Variants in MYO18B observed in about 807,000 individuals in gnomAD.
The protein encoded by MYO18B is unconventional myosin-XVIIIb.
In MYO18B, 204 loss-of-function variants were observed where a neutral mutation model predicts 273.0. That is an observed-to-expected ratio of 0.75 (90% CI 0.67 to 0.84). The LOEUF (loss-of-function observed/expected upper bound fraction) is 0.84. Ranked by LOEUF, MYO18B falls within the 40% of genes least tolerant of loss-of-function variation. MYO18B has a pLI of 0.00. For missense variants in MYO18B, 3,212 were observed against 3,287.6 expected, an observed-to-expected ratio of 0.98 and a Z score of 0.56; for synonymous variants, 1,330 against 1,305.7, an observed-to-expected ratio of 1.02 and a Z score of -0.40.
chr22:25,753,538 T>A (rs562440081), intron 1 of MYO18B, among the ~76,000 whole-genome samples: 1 of 152,192 alleles, frequency 6.6e-6, no homozygotes, highest in African/African-American at 2.4e-5. Flanking sequence ...TCCTTCCGCG[T>A]TGTGGGGTGG....
chr22:26,019,330 G>A (rs1166155772), intron 42 of MYO18B, among the ~76,000 whole-genome samples: 1 of 152,142 alleles, frequency 6.6e-6, no homozygotes, highest in Non-Finnish European at 1.5e-5. Flanking sequence ...AGGACTCCTT[G>A]GTTTAAATCC....
At chr22:25,771,524 A>G (rs953692883) in intron 6 of MYO18B, among the ~76,000 whole-genome samples, 4 of 152,160 alleles carry the variant, frequency 2.6e-5, no homozygotes, top group Non-Finnish European at 4.4e-5. Context: ...CAGTGTAGTG[A>G]TAGAAAAGAA....
At chr22:26,050,361 G>C in the MYO18B span, among the ~76,000 whole-genome samples, 1 of 152,208 alleles carries the variant, frequency 6.6e-6, no homozygotes, top group Non-Finnish European at 1.5e-5. Flanking sequence ...TGGGAATTTC[G>C]ATATACAGAC....
intron 39 of MYO18B, among the ~76,000 whole-genome samples, chr22:25,967,843 C>G (rs1345756560): frequency 6.6e-6 from 1 of 152,178 alleles, no homozygotes; most frequent in African/African-American, 2.4e-5. Context: ...ATCTGTTTGC[C>G]AGAGCTGACT....
At chr22:25,759,631 C>T (rs368257178) in intron 1 of MYO18B, among the ~76,000 whole-genome samples, 31 of 152,234 alleles carry the variant, frequency 2.0e-4, no homozygotes, top group East Asian at 1.5e-3. Context: ...AACAAACCTG[C>T]ATGTTCTACA....
At chr22:25,871,577 CT>C (rs1165270455) in intron 22 of MYO18B, among the ~76,000 whole-genome samples, 6 of 152,048 alleles carry the variant, frequency 3.9e-5, no homozygotes, top group Admixed American at 6.5e-5. Flanking sequence ...CCGTGGATTC[CT>C]TAAAAGTGGG....
intron 12 of MYO18B, among the ~76,000 whole-genome samples, chr22:25,803,341 T>C (rs1031528942): frequency 1.3e-5 from 2 of 152,212 alleles, no homozygotes; most frequent in Non-Finnish European, 2.9e-5. Flanking sequence ...TTAGTCCTTT[T>C]TATTATGGCT....
At chr22:25,844,954 GA>G (rs948119227) in intron 18 of MYO18B, among the ~76,000 whole-genome samples, 8 of 152,202 alleles carry the variant, frequency 5.3e-5, no homozygotes, top group African/African-American at 1.9e-4. Context: ...CCATAAATAA[GA>G]GCAGGACGAT....
intron 20 of MYO18B, among the ~76,000 whole-genome samples, chr22:25,851,122 G>C (rs2090415131): frequency 6.6e-6 from 1 of 152,140 alleles, no homozygotes; most frequent in Non-Finnish European, 1.5e-5. Context: ...GAAACTCAAG[G>C]CTTATCAGGC....
At chr22:25,745,036 C>T (rs985930953) in intron 1 of MYO18B, among the ~76,000 whole-genome samples, 2 of 152,164 alleles carry the variant, frequency 1.3e-5, no homozygotes, top group East Asian at 3.8e-4. Context: ...ATATTATCCC[C>T]CCGCACCAAG....
At chr22:25,997,304 CCAAAAAAA>C (rs1452246776) in intron 40 of MYO18B, among the ~76,000 whole-genome samples, 4 of 22,564 alleles carry the variant, frequency 1.8e-4, no homozygotes, top group South Asian at 2.4e-3. Context: ...AACTCTGTCG[CCAAAAAAA>C]AAAAAAAAAA....
At chr22:25,772,313 C>T in intron 6 of MYO18B, 21 bp from the exon 7 acceptor site, 1 of 1,607,498 alleles carries the variant, frequency 6.2e-7, no homozygotes, top group Non-Finnish European at 8.5e-7. Flanking sequence ...CCAGAGGAGA[C>T]TCTGTGTGAT....
chr22:25,918,797 A>T (rs535171028), intron 33 of MYO18B, among the ~76,000 whole-genome samples: 1 of 152,350 alleles, frequency 6.6e-6, no homozygotes, highest in South Asian at 2.1e-4. Context: ...GAAATGTGCA[A>T]AGCCCACTGC....
chr22:25,995,368 A>T (rs1239184583), intron 40 of MYO18B, among the ~76,000 whole-genome samples: 2 of 152,222 alleles, frequency 1.3e-5, no homozygotes, highest in Non-Finnish European at 2.9e-5. Context: ...TGATAATTTC[A>T]TTGTACATTA....
intron 3 of MYO18B, among the ~76,000 whole-genome samples, chr22:25,767,358 G>A (rs189485768): frequency 1.2e-4 from 18 of 152,252 alleles, no homozygotes; most frequent in African/African-American, 4.3e-4. Flanking sequence ...CAGAAACCAG[G>A]GCCCTCAGCT....
In MYO18B at chr22:25,769,368, C is replaced by T; in HGVS notation, c.1452C>T (p.Asn484=). ...DAERPRIRKE[N]QDGPAPQEEG... The stretch of plus-strand genomic sequence containing the variant: ...AAAGGCCTCGGATACGGAAGGAGAA[C>T]CAAGACGGGCCAGCCCCGCAGGAGG... Residue 484 remains asparagine (N), a synonymous_variant, in exon 4 of 44, where the codon AAC becomes AAT. Coordinates refer to ENST00000335473, the MANE Select transcript of MYO18B (RefSeq NM_032608.7). 1.3e-6 allele frequency: 2 copies of T among 1,573,966 alleles called. No homozygotes were observed. The highest frequency in any genetic ancestry group is 2.3e-5 in the South Asian group (2 of 85,360).
chr22:25,990,686 CAAAAAAAAAAAAAAAA>C (rs745998234), intron 39 of MYO18B, among the ~76,000 whole-genome samples: 2 of 27,040 alleles, frequency 7.4e-5, no homozygotes, highest in Non-Finnish European at 1.3e-4. Context: ...GACTTTGTCT[CAAAAAAAAAAAAAAAA>C]AAAAAAAAAA....
chr22:25,845,526 A>C (rs182206120), intron 18 of MYO18B, among the ~76,000 whole-genome samples: 71 of 145,364 alleles, frequency 4.9e-4, no homozygotes, highest in Middle Eastern at 6.9e-3. Flanking sequence ...AAAAAAACCA[A>C]CAACAACAAC....
chr22:25,977,434 G>T lies in MYO18B; in HGVS notation c.6157-14929G>T, dbSNP rs981180657. Among the ~76,000 whole-genome samples the T allele has an allele frequency of 5.9e-5, 9 of 152,280 alleles. No individual in the cohort carries two copies. The East Asian group carries it at 9.6e-4, about 16-fold the overall frequency. On this transcript the variant is annotated intron_variant, in intron 39 of 43. Transcript: ENST00000335473. ...GCTACACCAGGTTAAGACCTAATGT[G>T]CCCCAGGGGGTTGTCACATTGGGAG...
Sources: gnomAD v4.1 joint callset for allele counts (sites outside exome capture counted in the v4.1 genomes callset) on GRCh38, gnomAD v4.1.1 for gene constraint, MANE v1.5 for transcripts, NCBI Gene and HGNC (gene_info 2026-07-23, HGNC 2026-07-21) for gene names.